The following LARS2 variants were observed in gnomAD, a reference collection of about 807,000 sequenced individuals.
LARS2 encodes the protein leucine--tRNA ligase, mitochondrial.
In LARS2, 81 loss-of-function variants were observed where a neutral mutation model predicts 116.6. The observed-to-expected ratio is 0.69, with a 90% CI of 0.58 to 0.84. The LOEUF is 0.84. Ranked by LOEUF, LARS2 falls within the 40% of genes least tolerant of loss-of-function variation. The probability of loss-of-function intolerance (pLI) is 0.00; values close to 1 mark genes in which losing one functional copy is unlikely to be tolerated. For missense variants in LARS2, 968 were observed against 1,114.5 expected (o/e 0.87, Z 1.87); for synonymous variants, 396 against 407.2 (o/e 0.97, Z 0.33).
intron 7 of LARS2, among the ~76,000 whole-genome samples, chr3:45,452,899 TTG>T (rs1156612477): frequency 1.3e-5 from 2 of 152,106 alleles, no homozygotes; most frequent in African/African-American, 4.8e-5. Flanking sequence ...TCTTGCTAGG[TTG>T]TGTGTGTGTC....
intron 7 of LARS2, among the ~76,000 whole-genome samples, chr3:45,455,270 G>GGCCGGGCGCGGTGGCTCACGCCTGTAA (rs1204654629): frequency 4.1e-4 from 63 of 152,164 alleles, no homozygotes; most frequent in Admixed American, 7.9e-4. Context: ...AGAAAATACA[G>GGCCGGGCGCGGTGGCTCACGCCTGTAA]TCCTATTTGT....
At chr3:45,410,624 C>T (rs1288875156) in intron 4 of LARS2, among the ~76,000 whole-genome samples, 3 of 152,214 alleles carry the variant, frequency 2.0e-5, no homozygotes, top group Non-Finnish European at 4.4e-5. Flanking sequence ...TCCCCAGTCT[C>T]TCTCCATTTC....
intron 20 of LARS2, among the ~76,000 whole-genome samples, chr3:45,530,162 AT>A (rs1559498714): frequency 6.6e-6 from 1 of 152,188 alleles, no homozygotes. Flanking sequence ...ATTTAAGAAT[AT>A]GATATTTGGA....
chr3:45,390,458 G>A (rs1193891037), intron 1 of LARS2, among the ~76,000 whole-genome samples: 1 of 150,368 alleles, frequency 6.7e-6, no homozygotes, highest in Non-Finnish European at 1.5e-5. Context: ...GACTACAGGC[G>A]CCCGCCACCA....
chr3:45,515,123 T>A (rs61692029), intron 16 of LARS2, among the ~76,000 whole-genome samples: 1 of 152,196 alleles, frequency 6.6e-6, no homozygotes, highest in African/African-American at 2.4e-5. Flanking sequence ...CCAAACCCAG[T>A]TGCAGAAAAT....
chr3:45,496,440 G>A, intron 14 of LARS2, 67 bp downstream of exon 14: 1 of 1,127,118 alleles, frequency 8.9e-7, no homozygotes, highest in Admixed American at 1.7e-5. Context: ...CAAAGACCAA[G>A]ATGGAATTAG....
At chr3:45,399,706 T>A (rs1264579608) in intron 3 of LARS2, among the ~76,000 whole-genome samples, 1 of 152,048 alleles carries the variant, frequency 6.6e-6, no homozygotes, top group Non-Finnish European at 1.5e-5. Context: ...AGTTATTTAG[T>A]GGTGATTTGT....
intron 2 of LARS2, among the ~76,000 whole-genome samples, chr3:45,393,248 T>A (rs761102406): frequency 8.3e-6 from 1 of 120,878 alleles, no homozygotes; most frequent in East Asian, 2.1e-4. Context: ...GTTTCTTATC[T>A]GCTTCCCTGC....
In LARS2 at chr3:45,418,188, C is replaced by G. The variant is rs548769195; in HGVS notation, c.455+615C>G. 1.8e-4 allele frequency among the ~76,000 whole-genome samples: 28 copies of G among 152,324 alleles called. 1 individual carries two copies. In the South Asian group the frequency reaches 5.8e-3, roughly 32 times the overall value. On this transcript the variant is annotated intron_variant, in intron 5 of 21. Coordinates refer to ENST00000645846, the MANE Select transcript of LARS2 (RefSeq NM_015340.4). ...TCACCCTAGAACTTGGCAGAATCCT[C>G]TGGGGCCACTGCATCAGCTCATTTC...
At chr3:45,461,300 A>T (rs1699319074) in intron 8 of LARS2, among the ~76,000 whole-genome samples, 1 of 152,024 alleles carries the variant, frequency 6.6e-6, no homozygotes, top group African/African-American at 2.4e-5. Flanking sequence ...ATGGATAAGT[A>T]AGGGTTAGGT....
At chr3:45,518,614 C>CT (rs1700407156) in intron 18 of LARS2, among the ~76,000 whole-genome samples, 1 of 152,158 alleles carries the variant, frequency 6.6e-6, no homozygotes, top group South Asian at 2.1e-4. Flanking sequence ...ATAGTGAGGA[C>CT]TTTCCCACTC....
intron 20 of LARS2, among the ~76,000 whole-genome samples, chr3:45,537,870 C>G (rs1399176816): frequency 6.6e-6 from 1 of 152,126 alleles, no homozygotes; most frequent in Non-Finnish European, 1.5e-5. Flanking sequence ...TTCGGTTATT[C>G]TGCAGGAAAG....
At chr3:45,443,672 G>A (rs569343830) in intron 6 of LARS2, among the ~76,000 whole-genome samples, 2 of 152,250 alleles carry the variant, frequency 1.3e-5, no homozygotes, top group South Asian at 2.1e-4. Flanking sequence ...ATTTCAGTAC[G>A]ACGGAACTTA....
chr3:45,541,714 C>A, intron 20 of LARS2, 115 bp from the exon 21 acceptor site: 2 of 1,356,196 alleles, frequency 1.5e-6, no homozygotes, highest in South Asian at 1.4e-5. Context: ...TGGCTTCCCA[C>A]CGGCTCCTCA....
At chr3:45,416,451 G>A (rs959780826) in intron 4 of LARS2, among the ~76,000 whole-genome samples, 3 of 152,124 alleles carry the variant, frequency 2.0e-5, no homozygotes, top group African/African-American at 7.2e-5. Context: ...CAGGCAAGCC[G>A]TGAGAAAGGG....
chr3:45,408,253 G>A (rs1698265438), intron 4 of LARS2, among the ~76,000 whole-genome samples: 2 of 152,250 alleles, frequency 1.3e-5, no homozygotes, highest in Non-Finnish European at 2.9e-5. Context: ...GAGCAGGGCA[G>A]GGGTGGGCAG....
At chr3:45,390,183 C>A (rs1210188298) in intron 1 of LARS2, among the ~76,000 whole-genome samples, 2 of 152,054 alleles carry the variant, frequency 1.3e-5, no homozygotes, top group Admixed American at 1.3e-4. Flanking sequence ...ACTAAACTTT[C>A]ATTGTTTTAA....
intron 1 of LARS2, among the ~76,000 whole-genome samples, chr3:45,390,391 C>T (rs1007461434): frequency 1.3e-5 from 2 of 151,876 alleles, no homozygotes; most frequent in East Asian, 1.9e-4. Context: ...CTGCTCACTG[C>T]AAGCTCCGCC....
intron 3 of LARS2, 25 bp downstream of exon 3, chr3:45,394,712 A>G (rs747258634): frequency 7.9e-5 from 121 of 1,539,440 alleles, no homozygotes; most frequent in Middle Eastern, 1.7e-4. Context: ...AGATTCTAAG[A>G]GGGTAGAGAA....
Sources: gnomAD v4.1 joint callset for allele counts (sites outside exome capture counted in the v4.1 genomes callset) on GRCh38, gnomAD v4.1.1 for gene constraint, MANE v1.5 for transcripts, NCBI Gene and HGNC (gene_info 2026-07-23, HGNC 2026-07-21) for gene names.